The following EFCAB8 variants were observed in gnomAD, a reference collection of about 807,000 sequenced individuals.
EFCAB8 encodes EF-hand calcium-binding domain-containing protein 8.
In EFCAB8, 100 loss-of-function variants were observed where a neutral mutation model predicts 116.3. The ratio of observed to expected loss-of-function variants is 0.86; its 90% CI spans 0.73 to 1.02. The LOEUF (loss-of-function observed/expected upper bound fraction) is 1.02, where lower values mean the gene tolerates loss of function less well. Ranked by LOEUF, EFCAB8 falls within the 50% of genes least tolerant of loss-of-function variation. The pLI is 0.00. For missense variants in EFCAB8, 1,320 were observed against 1,416.9 expected (o/e 0.93, Z 1.10); for synonymous variants, 558 against 567.9 (o/e 0.98, Z 0.25).
chr20:32,907,025 T>C, intron 13 of EFCAB8, 31 bp downstream of exon 13: 2 of 1,480,432 alleles, frequency 1.4e-6, no homozygotes, highest in Non-Finnish European at 9.0e-7. Flanking sequence ...TGACTCCTTC[T>C]GTTCCTCAGG....
chr20:32,870,702 A>G (rs549960310), intron 3 of EFCAB8, among the ~76,000 whole-genome samples: 40 of 152,066 alleles, frequency 2.6e-4, no homozygotes, highest in African/African-American at 8.9e-4. Flanking sequence ...GGGTCTTGCT[A>G]TGTTGCCCAG....
chr20:32,937,200 G>A (rs565840852), intron 22 of EFCAB8, among the ~76,000 whole-genome samples: 5 of 152,016 alleles, frequency 3.3e-5, no homozygotes, highest in South Asian at 4.2e-4. Flanking sequence ...GGCTGGTCTC[G>A]AACTCCAGAC....
chr20:32,862,538 C>A (rs1412000760), intron 1 of EFCAB8, among the ~76,000 whole-genome samples: 1 of 152,126 alleles, frequency 6.6e-6, no homozygotes, highest in Non-Finnish European at 1.5e-5. Flanking sequence ...TCCTTTGGTC[C>A]TTAGGTGTGA....
intron 11 of EFCAB8, among the ~76,000 whole-genome samples, chr20:32,904,045 G>A (rs564357331): frequency 6.6e-5 from 10 of 152,000 alleles, no homozygotes; most frequent in Non-Finnish European, 1.2e-4. Flanking sequence ...GCAGGGTGTC[G>A]TTCTGTTGCC....
chr20:32,941,724 A>G (rs1299130132), intron 22 of EFCAB8, among the ~76,000 whole-genome samples: 1 of 152,206 alleles, frequency 6.6e-6, no homozygotes, highest in Admixed American at 6.5e-5. Context: ...GAAATTGCGT[A>G]GTGACTACTG....
At position 32,867,583 on chromosome 20, in the gene EFCAB8, T is replaced by C. The variant is rs868080485; in HGVS notation, c.44T>C (p.Leu15Pro). The C allele has an allele frequency of 1.2e-5, 19 of 1,551,190 alleles. No individual in the cohort carries two copies. The African/African-American group carries it at 2.5e-4, about 20-fold the overall frequency. The stretch of plus-strand genomic sequence containing the variant: ...TGGTTCTTGTTATATTCGTTCCAGC[T>C]GTCCATCCCACATGGCTTCCAGAAC... The part of the protein sequence containing the change: ...DLAEIPQLQK[L>P]SIPHGFQNKE... Residue 15 changes from leucine to proline, a missense_variant and splice_region_variant, in exon 3 of 27, where the codon CTG (leucine) becomes CCG (proline). Coordinates refer to ENST00000400522, the MANE Select transcript of EFCAB8 (RefSeq NM_001143967.2).
intron 22 of EFCAB8, among the ~76,000 whole-genome samples, chr20:32,936,132 A>G (rs1988111878): frequency 6.6e-6 from 1 of 151,984 alleles, no homozygotes; most frequent in African/African-American, 2.4e-5. Flanking sequence ...TCCCAGGTTC[A>G]AGGAAGTCTC....
In EFCAB8 at chr20:32,917,379, G is replaced by A. The variant is rs942298365; in HGVS notation, c.1935G>A (p.Lys645=). ...YHTEDILSMA[K]YRNQFLGTSS... is the part of the protein sequence containing the mutation. ...CGGAGGACATCCTGAGCATGGCCAAGTACCGGAACCAGTTCCTTGGGACCT... is the reference window on the plus strand; with the variant it reads ...CGGAGGACATCCTGAGCATGGCCAAATACCGGAACCAGTTCCTTGGGACCT... Residue 645 remains lysine, a synonymous_variant, in exon 18 of 27, where the codon AAG becomes AAA. Coordinates refer to ENST00000400522, the MANE Select transcript of EFCAB8 (RefSeq NM_001143967.2). The A allele has an allele frequency of 6.4e-6, 10 of 1,551,872 alleles. No homozygotes were observed. Among genetic ancestry groups the A allele is most frequent in the Non-Finnish European group, 8.7e-6 (10 of 1,147,010 alleles).
intron 11 of EFCAB8, among the ~76,000 whole-genome samples, chr20:32,901,057 G>C (rs1986404071): frequency 6.6e-6 from 1 of 152,200 alleles, no homozygotes; most frequent in East Asian, 1.9e-4. Context: ...ACAAGTCCTG[G>C]AGCTCCCTGC....
chr20:32,935,310 C>T (rs1352278118), intron 22 of EFCAB8, among the ~76,000 whole-genome samples: 2 of 146,940 alleles, frequency 1.4e-5, no homozygotes, highest in African/African-American at 2.5e-5. Context: ...AAGCAATTCT[C>T]CCGCCTCAGC....
At chr20:32,871,724 ATACCG>A (rs1333197669) in intron 3 of EFCAB8, among the ~76,000 whole-genome samples, 9 of 152,182 alleles carry the variant, frequency 5.9e-5, no homozygotes, top group African/African-American at 2.2e-4. Flanking sequence ...TGCGGGCTCC[ATACCG>A]TGTCTTAGGC....
chr20:32,910,120 G>T (rs1330462087), intron 15 of EFCAB8, among the ~76,000 whole-genome samples, 189 bp downstream of exon 15: 1 of 152,192 alleles, frequency 6.6e-6, no homozygotes, highest in Non-Finnish European at 1.5e-5. Flanking sequence ...GGCTGGCGTG[G>T]GATCAGCTCA....
At chr20:32,950,948 C>A (rs1988779574) in intron 23 of EFCAB8, among the ~76,000 whole-genome samples, 1 of 152,158 alleles carries the variant, frequency 6.6e-6, no homozygotes, top group East Asian at 1.9e-4. Context: ...TGCTCCTGCT[C>A]TGTCATTCAC....
chr20:32,917,286 T>A lies in EFCAB8; in HGVS notation c.1857-15T>A, dbSNP rs552362567. 42 of 1,543,462 alleles carry A rather than the reference T, an allele frequency of 2.7e-5. No individual in the cohort carries two copies. In the African/African-American group the frequency reaches 4.8e-4, roughly 18 times the overall value. The stretch of plus-strand genomic sequence containing the variant: ...GCTGAGCTCTCAGCCCTCCTGCCTC[T>A]GGCCATATGCACAGGTTCCACAAGA... On this transcript the variant is annotated splice_polypyrimidine_tract_variant and intron_variant, in intron 17 of 26. Transcript: ENST00000400522.
intron 9 of EFCAB8, 87 bp downstream of exon 9, chr20:32,893,385 C>T (rs1986011528): frequency 1.3e-6 from 2 of 1,510,192 alleles, no homozygotes; most frequent in East Asian, 2.5e-5. Context: ...GAGCCCCCCA[C>T]TCCCTGCCTC....
intron 22 of EFCAB8, 122 bp from the exon 23 acceptor site, chr20:32,943,514 A>G (rs1988470813): frequency 2.4e-6 from 1 of 415,110 alleles, no homozygotes; most frequent in Non-Finnish European, 4.4e-6. Context: ...CTAGAACTAG[A>G]ACGCTAGCCT....
chr20:32,877,207 C>CT (rs757130907), intron 4 of EFCAB8, among the ~76,000 whole-genome samples: 3,746 of 114,916 alleles, frequency 0.033, 163 homozygotes, highest in African/African-American at 0.057. Context: ...TTATTTCTTT[C>CT]TTTTTTTTTT....
intron 7 of EFCAB8, among the ~76,000 whole-genome samples, chr20:32,890,000 TAAA>T (rs35488921): frequency 2.6e-4 from 30 of 113,478 alleles, no homozygotes; most frequent in Admixed American, 3.7e-4. Context: ...GACTCAGTCT[TAAA>T]AAAAAAAAAA....
chr20:32,906,999 G>T lies in EFCAB8; in HGVS notation c.1308+5G>T. On this transcript the variant is annotated splice_donor_5th_base_variant and intron_variant, in intron 13 of 26. Coordinates refer to ENST00000400522, the MANE Select transcript of EFCAB8 (RefSeq NM_001143967.2). Reference sequence around the variant, plus strand: ...ATCAGTGTCTCCAAGGACAAGGTCCGCCCCGACGGTCCGCCTGACTCCTTC... The same window carrying T: ...ATCAGTGTCTCCAAGGACAAGGTCCTCCCCGACGGTCCGCCTGACTCCTTC... The T allele has an allele frequency of 6.7e-7, 1 of 1,499,254 alleles. No homozygotes were observed. The highest frequency in any genetic ancestry group is 1.3e-5 in the South Asian group (1 of 74,758). The allele number at this position is 1,499,254 out of a possible 1,614,324, so 92.9% of individuals were successfully genotyped here. A position where few individuals can be genotyped will look rare whatever the true frequency, so the allele number is the denominator to read the frequency against.
Sources: allele counts gnomAD v4.1 joint callset (sites outside exome capture counted in the v4.1 genomes callset), GRCh38; gene constraint gnomAD v4.1.1; transcripts MANE v1.5; gene names NCBI Gene and HGNC (gene_info 2026-07-23, HGNC 2026-07-21).